The following BANK1 variants were observed in gnomAD, a reference collection of about 807,000 sequenced individuals.
BANK1 encodes the protein B-cell scaffold protein with ankyrin repeats.
Under a neutral mutation model 94.5 loss-of-function variants are expected in BANK1, and 95 were observed. That is an observed-to-expected ratio of 1.00 (90% CI 0.85 to 1.19). BANK1 has a LOEUF of 1.19. Among genes scored for constraint, BANK1 ranks in the 50% most tolerant of loss-of-function variants. The probability of loss-of-function intolerance (pLI) is 0.00; values close to 1 mark genes in which losing one functional copy is unlikely to be tolerated. For synonymous variants in BANK1, 334 were observed against 308.4 expected (o/e 1.08, Z -0.87); for missense variants, 987 against 932.2 (o/e 1.06, Z -0.77).
intron 7 of BANK1, among the ~76,000 whole-genome samples, chr4:101,952,335 C>A (rs1409538015): frequency 6.6e-6 from 1 of 152,046 alleles, no homozygotes; most frequent in African/African-American, 2.4e-5. Flanking sequence ...TATTGTAAAT[C>A]AAATCTAAGT....
At chr4:101,850,083 A>G (rs1320107847) in intron 2 of BANK1, among the ~76,000 whole-genome samples, 1 of 152,184 alleles carries the variant, frequency 6.6e-6, no homozygotes, top group South Asian at 2.1e-4. Flanking sequence ...GTAATCCATC[A>G]CTGGATAGGG....
chr4:101,839,242 C>T (rs1041161221), intron 2 of BANK1, among the ~76,000 whole-genome samples: 1 of 151,962 alleles, frequency 6.6e-6, no homozygotes, highest in Admixed American at 6.6e-5. Context: ...TTTAGTATCC[C>T]ATTTTATAAG....
chr4:101,814,945 G>A (rs1725852148), intron 1 of BANK1, among the ~76,000 whole-genome samples: 1 of 152,122 alleles, frequency 6.6e-6, no homozygotes, highest in Admixed American at 6.6e-5. Flanking sequence ...CAGCATAAGA[G>A]TTCAGGGACA....
At chr4:102,049,527 T>C (rs964351282) in intron 11 of BANK1, among the ~76,000 whole-genome samples, 58 of 152,078 alleles carry the variant, frequency 3.8e-4, no homozygotes, top group African/African-American at 1.4e-3. Flanking sequence ...TCCTCAGCCA[T>C]ATAGTCAAAT....
intron 7 of BANK1, among the ~76,000 whole-genome samples, chr4:101,947,676 C>T (rs1723984261): frequency 6.6e-6 from 1 of 151,628 alleles, no homozygotes; most frequent in African/African-American, 2.4e-5. Context: ...TATGAATATC[C>T]AAAGAAATAT....
intron 1 of BANK1, among the ~76,000 whole-genome samples, chr4:101,797,597 ATT>A (rs1011191455): frequency 6.6e-6 from 1 of 152,164 alleles, no homozygotes; most frequent in African/African-American, 2.4e-5. Context: ...GATATAGTAG[ATT>A]TGGAGTCTGA....
chr4:101,822,200 A>G (rs1229345395), intron 1 of BANK1, among the ~76,000 whole-genome samples: 1 of 151,748 alleles, frequency 6.6e-6, no homozygotes, highest in African/African-American at 2.4e-5. Context: ...ACCATTAAAA[A>G]AATACAAAAA....
chr4:101,821,722 A>G (rs1726156789), intron 1 of BANK1, among the ~76,000 whole-genome samples: 2 of 152,192 alleles, frequency 1.3e-5, no homozygotes, highest in African/African-American at 4.8e-5. Context: ...AACTAACAAC[A>G]AAAATTCTTT....
intron 1 of BANK1, among the ~76,000 whole-genome samples, chr4:101,804,416 A>C (rs1327559424): frequency 6.6e-6 from 1 of 152,192 alleles, no homozygotes; most frequent in Non-Finnish European, 1.5e-5. Context: ...CAGTACAAAG[A>C]GATGTCTCAT....
chr4:101,903,569 CA>C (rs1281283520), intron 6 of BANK1, among the ~76,000 whole-genome samples: 1 of 152,100 alleles, frequency 6.6e-6, no homozygotes, highest in East Asian at 1.9e-4. Flanking sequence ...TGGATCTATT[CA>C]ATTTATTTGA....
intron 7 of BANK1, among the ~76,000 whole-genome samples, chr4:101,937,922 A>C (rs1277686361): frequency 6.6e-6 from 1 of 151,950 alleles, no homozygotes; most frequent in Non-Finnish European, 1.5e-5. Flanking sequence ...AAAAAGGATG[A>C]GTTCATGTCC....
chr4:101,944,037 TGTGAGAGAGAGA>T (rs1042589784), intron 7 of BANK1, among the ~76,000 whole-genome samples: 4 of 148,150 alleles, frequency 2.7e-5, no homozygotes, highest in Admixed American at 6.8e-5. Context: ...TGTGTGTGTG[TGTGAGAGAGAGA>T]GAGAGAGAGA....
chr4:101,925,459 A>C (rs1468466650), intron 7 of BANK1, among the ~76,000 whole-genome samples: 1 of 151,764 alleles, frequency 6.6e-6, no homozygotes, highest in Non-Finnish European at 1.5e-5. Context: ...TTGCATTAAA[A>C]TTAATTCAAT....
At chr4:101,813,645 T>G (rs1000813314) in intron 1 of BANK1, among the ~76,000 whole-genome samples, 4 of 152,180 alleles carry the variant, frequency 2.6e-5, no homozygotes, top group Non-Finnish European at 5.9e-5. Context: ...AGAAATGTAG[T>G]CGTGACCAAG....
intron 5 of BANK1, among the ~76,000 whole-genome samples, chr4:101,886,435 A>G (rs1728858758): frequency 6.6e-6 from 1 of 152,200 alleles, no homozygotes; most frequent in Non-Finnish European, 1.5e-5. Flanking sequence ...AAAACAAACT[A>G]AAAAAGAAAT....
chr4:101,874,609 A>G (rs1327164826), intron 5 of BANK1, among the ~76,000 whole-genome samples: 1 of 152,196 alleles, frequency 6.6e-6, no homozygotes, highest in African/African-American at 2.4e-5. Flanking sequence ...CTTACTGGAT[A>G]AGAAGGTTCA....
intron 7 of BANK1, among the ~76,000 whole-genome samples, chr4:101,943,099 G>T (rs1723808049): frequency 6.6e-6 from 1 of 151,902 alleles, no homozygotes; most frequent in Non-Finnish European, 1.5e-5. Flanking sequence ...AGAGGCTAAA[G>T]GTGAGAGAGA....
chr4:101,981,562 C>T lies in BANK1; in HGVS notation c.1207-39952C>T, dbSNP rs372431353. On this transcript the variant is annotated intron_variant, in intron 7 of 16. Coordinates refer to ENST00000322953, the MANE Select transcript of BANK1 (RefSeq NM_017935.5). ...GAAATCATTGATGATTTTAGCTATA[C>T]ATGTTTCAAATAGGATTTGGATATA... is the stretch of plus-strand genomic sequence containing the variant. Among the ~76,000 whole-genome samples the T allele has an allele frequency of 2.1e-3, 318 of 152,158 alleles. 1 individual carries two copies. The highest frequency in any genetic ancestry group is 4.2e-3 in the African/African-American group (175 of 41,516).
At chr4:102,031,450 C>A (rs1240874268) in intron 10 of BANK1, among the ~76,000 whole-genome samples, 1 of 152,096 alleles carries the variant, frequency 6.6e-6, no homozygotes, top group African/African-American at 2.4e-5. Flanking sequence ...TAATTAGATC[C>A]CATTTGTCAA....
Sources: gnomAD v4.1 joint callset for allele counts (sites outside exome capture counted in the v4.1 genomes callset) on GRCh38, gnomAD v4.1.1 for gene constraint, MANE v1.5 for transcripts, NCBI Gene and HGNC (gene_info 2026-07-23, HGNC 2026-07-21) for gene names.